DOK6: variants seen among roughly 807,000 people sequenced by gnomAD.
The protein encoded by DOK6 is downstream of tyrosine kinase 6.
A neutral mutation model predicts 44.0 loss-of-function variants in DOK6; 22 were observed. That is an observed-to-expected ratio of 0.50 (90% CI 0.36 to 0.71). The LOEUF (loss-of-function observed/expected upper bound fraction) is 0.71. Among genes scored for constraint, DOK6 ranks in the 30% least tolerant of loss-of-function variants. The pLI, the probability that DOK6 is intolerant of heterozygous loss-of-function variation, is 0.00. For missense variants in DOK6, 340 were observed against 416.4 expected (o/e 0.82, Z 1.60); for synonymous variants, 166 against 145.5 (o/e 1.14, Z -1.01).
At chr18:69,568,184 C>T (rs1217233959) in intron 2 of DOK6, among the ~76,000 whole-genome samples, 1 of 152,226 alleles carries the variant, frequency 6.6e-6, no homozygotes, top group African/African-American at 2.4e-5. Flanking sequence ...CTTTCTTTCT[C>T]TGGGCATGCC....
At chr18:69,611,911 G>A (rs573520512) in intron 3 of DOK6, among the ~76,000 whole-genome samples, 3 of 150,346 alleles carry the variant, frequency 2.0e-5, no homozygotes, top group South Asian at 2.1e-4. Context: ...GTGGTGGTGC[G>A]TACACAAACC....
At chr18:69,622,690 T>A (rs958940591) in intron 3 of DOK6, among the ~76,000 whole-genome samples, 1 of 152,176 alleles carries the variant, frequency 6.6e-6, no homozygotes, top group Non-Finnish European at 1.5e-5. Flanking sequence ...AGGTATTGAA[T>A]GGAAATTGCA....
At chr18:69,788,607 G>A (rs928906873) in intron 7 of DOK6, among the ~76,000 whole-genome samples, 15 of 152,126 alleles carry the variant, frequency 9.9e-5, no homozygotes, top group African/African-American at 1.7e-4. Context: ...TATCCAAGGC[G>A]TCCTAACTGA....
chr18:69,584,141 T>G (rs1388157751), intron 2 of DOK6, among the ~76,000 whole-genome samples: 1 of 146,686 alleles, frequency 6.8e-6, no homozygotes, highest in East Asian at 2.0e-4. Flanking sequence ...AAGAAAAAAA[T>G]AAAATTCTAA....
Position 69,400,945 on chromosome 18 carries a change from G to C in DOK6, c.-300G>C, listed in dbSNP as rs1053594348. The C allele has an allele frequency of 6.8e-6, 1 of 146,942 alleles. No individual in the cohort carries two copies. The highest frequency in any genetic ancestry group is 2.1e-4 in the South Asian group (1 of 4,832). The allele number at this position is 146,942 out of a possible 1,614,324, so 9.1% of individuals were successfully genotyped here. ...TGCTGCCGGGGGCGGCGGCGCGGTG[G>C]GGGCTCCCGCAGCTGGCGGAGGCGC... is the stretch of plus-strand genomic sequence containing the variant. On this transcript the variant is annotated 5_prime_UTR_variant, in exon 1 of 8. Coordinates refer to ENST00000382713, the MANE Select transcript of DOK6 (RefSeq NM_152721.6).
Position 69,677,749 on chromosome 18 carries a change from A to C in DOK6, c.305A>C (p.Glu102Ala). The C allele has an allele frequency of 6.2e-7, 1 of 1,613,622 alleles. No individual in the cohort carries two copies. The highest frequency in any genetic ancestry group is 8.5e-7 in the Non-Finnish European group (1 of 1,179,682). Residue 102 changes from glutamate to alanine, a missense_variant, in exon 4 of 8, where the codon GAG becomes GCG. Transcript: ENST00000382713. ...TTACTTTCAGAGCTGGAGGCCGAGGAGTGGTGCAAGCACCTCTGCATGGAG... is the reference window on the plus strand; with the variant it reads ...TTACTTTCAGAGCTGGAGGCCGAGGCGTGGTGCAAGCACCTCTGCATGGAG... ...FACESELEAE[E>A]WCKHLCMECL...
intron 7 of DOK6, among the ~76,000 whole-genome samples, chr18:69,782,939 T>A (rs1486290111): frequency 2.0e-5 from 3 of 152,238 alleles, no homozygotes; most frequent in Non-Finnish European, 4.4e-5. Context: ...GTAGCCAGCA[T>A]GTGTGTGCCC....
At chr18:69,615,957 G>C (rs1209342914) in intron 3 of DOK6, among the ~76,000 whole-genome samples, 2 of 152,088 alleles carry the variant, frequency 1.3e-5, no homozygotes, top group Non-Finnish European at 2.9e-5. Context: ...GCTTGTATTT[G>C]GGACATTGGA....
rs116523655 is a variant in DOK6 at position 69,513,020 on chromosome 18, C to T, written c.67-51467C>T. Among the ~76,000 whole-genome samples the T allele has an allele frequency of 1.2e-3, 181 of 152,160 alleles. 2 individuals carry two copies. Among genetic ancestry groups the T allele is most frequent in the African/African-American group, 4.0e-3 (168 of 41,506 alleles). ...TTATTTTATTATACACCACAATTAG[C>T]TGATTTTATTAAATATATGAGGTAA... On this transcript the variant is annotated intron_variant, in intron 1 of 7. Transcript: ENST00000382713.
At chr18:69,591,600 A>G (rs963289028) in intron 2 of DOK6, among the ~76,000 whole-genome samples, 1 of 62,498 alleles carries the variant, frequency 1.6e-5, no homozygotes, top group Non-Finnish European at 6.9e-5. Flanking sequence ...GTCGATATTA[A>G]ATATTTTTTT....
chr18:69,672,350 AGTTT>A (rs200167290), intron 3 of DOK6, among the ~76,000 whole-genome samples: 5,547 of 152,058 alleles, frequency 0.036, 161 homozygotes, highest in Non-Finnish European at 0.056. Flanking sequence ...TTTGTTTGTT[AGTTT>A]GTTTGTTTGT....
At chr18:69,833,872 A>T (rs537145494) in intron 7 of DOK6, among the ~76,000 whole-genome samples, 1 of 152,332 alleles carries the variant, frequency 6.6e-6, no homozygotes, top group Middle Eastern at 3.4e-3. Context: ...ATCTCACCCC[A>T]CTTAAACTGT....
chr18:69,638,802 T>A (rs1432496615), intron 3 of DOK6, among the ~76,000 whole-genome samples: 1 of 152,226 alleles, frequency 6.6e-6, no homozygotes, highest in Non-Finnish European at 1.5e-5. Flanking sequence ...AATATGTTAA[T>A]GTACACTGTA....
intron 1 of DOK6, among the ~76,000 whole-genome samples, chr18:69,492,626 T>C (rs1243410018): frequency 1.3e-5 from 2 of 151,972 alleles, no homozygotes; most frequent in African/African-American, 4.8e-5. Flanking sequence ...TTTGTGTCCA[T>C]GTGTAATCGA....
intron 7 of DOK6, among the ~76,000 whole-genome samples, chr18:69,824,355 A>ATTT (rs759256453): frequency 4.0e-5 from 6 of 150,928 alleles, no homozygotes; most frequent in Non-Finnish European, 8.9e-5. Flanking sequence ...AAAAAAAAAA[A>ATTT]TTTTTTGAGA....
intron 1 of DOK6, among the ~76,000 whole-genome samples, chr18:69,525,981 T>C (rs9961907): frequency 0.5 from 76,439 of 151,822 alleles, 19,871 homozygotes; most frequent in Non-Finnish European, 0.58. Flanking sequence ...TTAAAAATTA[T>C]TCATTATTAA....
chr18:69,732,931 G>C (rs1978462666), intron 5 of DOK6, among the ~76,000 whole-genome samples: 1 of 152,160 alleles, frequency 6.6e-6, no homozygotes, highest in South Asian at 2.1e-4. Flanking sequence ...AGGTTTACTT[G>C]ACCCACAATT....
rs149656570 is a variant in DOK6, at chr18:69,622,195, C to A, written c.289+22697C>A. Among the ~76,000 whole-genome samples the A allele has an allele frequency of 6.6e-5, 10 of 152,282 alleles. No individual in the cohort carries two copies. The East Asian group carries it at 1.9e-3, about 29-fold the overall frequency. On this transcript the variant is annotated intron_variant, in intron 3 of 7. Coordinates refer to ENST00000382713, the MANE Select transcript of DOK6 (RefSeq NM_152721.6). Reference sequence around the variant, plus strand: ...CTTATTGTGTTTTCCAGGCGCACATCTTATTAGCTTATAAGCTCATTGCCT... The same window carrying A: ...CTTATTGTGTTTTCCAGGCGCACATATTATTAGCTTATAAGCTCATTGCCT...
At chr18:69,733,840 G>A (rs1978502527) in intron 5 of DOK6, among the ~76,000 whole-genome samples, 5 of 152,192 alleles carry the variant, frequency 3.3e-5, no homozygotes, top group Admixed American at 3.3e-4. Context: ...TTACTGAAAA[G>A]GAGTAGTCTT....
Sources: gnomAD v4.1 joint callset for allele counts (sites outside exome capture counted in the v4.1 genomes callset) on GRCh38, gnomAD v4.1.1 for gene constraint, MANE v1.5 for transcripts, NCBI Gene and HGNC (gene_info 2026-07-23, HGNC 2026-07-21) for gene names.